The following SH3KBP1 variants were observed in gnomAD, a reference collection of about 807,000 sequenced individuals.
The protein encoded by SH3KBP1 is SH3 domain-containing kinase-binding protein 1.
SH3KBP1 carries 8 observed loss-of-function variants against 50.1 expected under a neutral mutation model. That is an observed-to-expected ratio of 0.16 (90% CI 0.09 to 0.29). The LOEUF is 0.29. Among genes scored for constraint, SH3KBP1 ranks in the 10% least tolerant of loss-of-function variants. The pLI is 1.00. For missense variants in SH3KBP1, 377 were observed against 535.2 expected (o/e 0.70, Z 2.92); for synonymous variants, 227 against 218.6 (o/e 1.04, Z -0.34).
At chrX:19,832,386 G>A (rs187976758) in intron 2 of SH3KBP1, among the ~76,000 whole-genome samples, 2 of 111,920 alleles carry the variant, frequency 1.8e-5, no homozygotes, top group East Asian at 2.8e-4. Context: ...AGGTAGTCGG[G>A]TTCTCAAAAG....
At chrX:19,653,253 C>T (rs777193068) in intron 6 of SH3KBP1, among the ~76,000 whole-genome samples, 150 of 111,542 alleles carry the variant, frequency 1.3e-3, no homozygotes, top group Admixed American at 8.5e-3. Context: ...CCCAAAGTGC[C>T]GGGATTACAG....
At chrX:19,774,705 A>G (rs2065918260) in intron 2 of SH3KBP1, among the ~76,000 whole-genome samples, 2 of 103,066 alleles carry the variant, frequency 1.9e-5, no homozygotes, top group Non-Finnish European at 3.9e-5. Context: ...AAAGAAAGAA[A>G]GAAAGAAGAA....
chrX:19,856,930 T>C (rs1175910292), intron 1 of SH3KBP1, among the ~76,000 whole-genome samples: 1 of 103,843 alleles, frequency 9.6e-6, no homozygotes, highest in Non-Finnish European at 2.0e-5. Flanking sequence ...TAGTTTCTTT[T>C]CCCCTAGAGC....
chrX:19,680,667 A>G (rs888351625), intron 6 of SH3KBP1, among the ~76,000 whole-genome samples: 2 of 112,129 alleles, frequency 1.8e-5, no homozygotes, highest in Non-Finnish European at 3.8e-5. Flanking sequence ...CCATCTCAAA[A>G]GTGATGAAAA....
intron 2 of SH3KBP1, among the ~76,000 whole-genome samples, chrX:19,801,462 G>A (rs2066889435): frequency 8.9e-6 from 1 of 112,436 alleles, no homozygotes; most frequent in African/African-American, 3.2e-5. Flanking sequence ...GGAGGAACAG[G>A]CTAAGCAGTA....
intron 3 of SH3KBP1, among the ~76,000 whole-genome samples, chrX:19,734,271 T>C (rs1423342666): frequency 8.9e-6 from 1 of 111,961 alleles, no homozygotes; most frequent in East Asian, 2.8e-4. Flanking sequence ...GATTATCTAA[T>C]ATTTGGGTCA....
chrX:19,554,058 ATATATATTAAAATACATT>A (rs1368099196), intron 13 of SH3KBP1, among the ~76,000 whole-genome samples: 22 of 62,160 alleles, frequency 3.5e-4, no homozygotes, highest in Non-Finnish European at 3.9e-4. Flanking sequence ...AAAATATATT[ATATATATTAAAATACATT>A]ATATATATTA....
At chrX:19,554,378 T>TATATATCATATTAAAATATAATATATATC (rs1555983593) in intron 13 of SH3KBP1, among the ~76,000 whole-genome samples, 23 of 60,300 alleles carry the variant, frequency 3.8e-4, no homozygotes, top group African/African-American at 3.4e-3. Flanking sequence ...TAAAATATAA[T>TATATATCATATTAAAATATAATATATATC]ATATATCATA....
chrX:19,740,856 G>A (rs1569451394), intron 3 of SH3KBP1: 1 of 252,759 alleles, frequency 4.0e-6, no homozygotes, highest in Non-Finnish European at 8.0e-6. Context: ...AGCATTCCAG[G>A]CCCTCACACT....
At chrX:19,747,738 C>T (rs1261552359) in intron 2 of SH3KBP1, 7 of 337,089 alleles carry the variant, frequency 2.1e-5, no homozygotes, top group South Asian at 5.3e-5. Flanking sequence ...AGGGCCCCAC[C>T]GGAAACCAAC....
chrX:19,694,124 G>T (rs1045176325), intron 5 of SH3KBP1, among the ~76,000 whole-genome samples: 1 of 112,204 alleles, frequency 8.9e-6, no homozygotes, highest in Admixed American at 9.4e-5. Flanking sequence ...GCACATTATT[G>T]CTACTGGAAC....
chrX:19,608,390 C>T (rs1438099553), intron 8 of SH3KBP1, among the ~76,000 whole-genome samples: 1 of 104,084 alleles, frequency 9.6e-6, no homozygotes, highest in South Asian at 4.4e-4. Flanking sequence ...CTCACTGCAA[C>T]CTCCGCCTCC....
At position 19,646,174 on chromosome X, in the gene SH3KBP1, A is replaced by G. The variant is rs145565583; in HGVS notation, c.727-699T>C. On this transcript the variant is annotated intron_variant, in intron 6 of 17. Coordinates refer to ENST00000397821, the MANE Select transcript of SH3KBP1 (RefSeq NM_031892.3). ...GAAAAAATCCAGCGCCTCAGACCCT[A>G]TGCTTCCACTGACTAGTTCAAAAAA... 2.6e-3 allele frequency among the ~76,000 whole-genome samples: 292 copies of G among 111,992 alleles called. 2 individuals carry two copies. The highest frequency in any genetic ancestry group is 9.1e-3 in the African/African-American group (280 of 30,847).
intron 8 of SH3KBP1, among the ~76,000 whole-genome samples, chrX:19,628,475 A>G (rs1206904746): frequency 9.0e-6 from 1 of 111,591 alleles, no homozygotes; most frequent in African/African-American, 3.3e-5. Context: ...AGACACAGCC[A>G]GGAACAGTGG....
At chrX:19,647,935 C>T (rs1029029811) in intron 6 of SH3KBP1, 1 of 339,678 alleles carries the variant, frequency 2.9e-6, no homozygotes, top group Non-Finnish European at 5.7e-6. Flanking sequence ...ATTTGAGAAC[C>T]ACTGACCTAG....
intron 6 of SH3KBP1, among the ~76,000 whole-genome samples, chrX:19,663,586 A>T (rs1333855081): frequency 9.0e-6 from 1 of 111,664 alleles, no homozygotes; most frequent in Non-Finnish European, 1.9e-5. Context: ...GTACTGTTGG[A>T]ACTGACAACA....
At chrX:19,595,585 GGTTT>G (rs1431223363) in intron 9 of SH3KBP1, among the ~76,000 whole-genome samples, 1 of 108,309 alleles carries the variant, frequency 9.2e-6, no homozygotes, top group Non-Finnish European at 1.9e-5. Flanking sequence ...GTTGTTTTTT[GGTTT>G]GTTTTTTTTT....
At chrX:19,649,396 C>T (rs1366261839) in intron 6 of SH3KBP1, among the ~76,000 whole-genome samples, 1 of 111,229 alleles carries the variant, frequency 9.0e-6, no homozygotes, top group Non-Finnish European at 1.9e-5. Context: ...CTTCCCAGTA[C>T]ACACACCCAC....
intron 6 of SH3KBP1, among the ~76,000 whole-genome samples, chrX:19,654,307 C>A (rs1459261098): frequency 1.8e-5 from 2 of 111,557 alleles, no homozygotes; most frequent in Non-Finnish European, 3.8e-5. Flanking sequence ...ACTGTCTCTT[C>A]GTTGAAGCAA....
Sources: gnomAD v4.1 joint callset for allele counts (sites outside exome capture counted in the v4.1 genomes callset) on GRCh38, gnomAD v4.1.1 for gene constraint, MANE v1.5 for transcripts, NCBI Gene and HGNC (gene_info 2026-07-23, HGNC 2026-07-21) for gene names.